Variants in EPHA6 observed in about 807,000 individuals in gnomAD.
EPHA6 encodes EPH receptor A6, also known as ephrin type-A receptor 6.
EPHA6 carries 50 observed loss-of-function variants against 112.0 expected under a neutral mutation model. That is an observed-to-expected ratio of 0.45 (90% CI 0.36 to 0.56). The LOEUF (loss-of-function observed/expected upper bound fraction) is 0.56. Ranked by LOEUF, EPHA6 falls within the 20% of genes least tolerant of loss-of-function variation. The probability of loss-of-function intolerance (pLI) is 0.00; values close to 1 mark genes in which losing one functional copy is unlikely to be tolerated. For missense variants in EPHA6, 1,280 were observed against 1,417.4 expected (o/e 0.90, Z 1.56); for synonymous variants, 529 against 490.7 (o/e 1.08, Z -1.03).
chr3:97,459,749 A>C (rs2107376984), intron 7 of EPHA6, among the ~76,000 whole-genome samples: 1 of 152,306 alleles, frequency 6.6e-6, no homozygotes, highest in Admixed American at 6.5e-5. Flanking sequence ...AGCTCTCATA[A>C]CTTCCAAATT....
chr3:97,317,543 G>A lies in EPHA6; in HGVS notation c.1606+73256G>A, dbSNP rs771364892. 7.9e-5 allele frequency among the ~76,000 whole-genome samples: 12 copies of A among 151,574 alleles called. No homozygotes were observed. In the East Asian group the frequency reaches 1.9e-3, roughly 24 times the overall value. On this transcript the variant is annotated intron_variant, in intron 5 of 17. Coordinates refer to ENST00000389672, the MANE Select transcript of EPHA6 (RefSeq NM_001080448.3). Reference sequence around the variant, plus strand: ...GTTTTCCCATTTCCTTTTTTGTTTCGATATACCCTTCAGATTGGACTGATA... The same window carrying A: ...GTTTTCCCATTTCCTTTTTTGTTTCAATATACCCTTCAGATTGGACTGATA...
At chr3:96,943,782 T>A (rs572000028) in intron 2 of EPHA6, among the ~76,000 whole-genome samples, 1 of 152,236 alleles carries the variant, frequency 6.6e-6, no homozygotes, top group African/African-American at 2.4e-5. Context: ...TGCTCGAGCC[T>A]GGGAGGTTGA....
chr3:97,685,773 A>G, intron 14 of EPHA6, among the ~76,000 whole-genome samples: 1 of 152,212 alleles, frequency 6.6e-6, no homozygotes, highest in East Asian at 1.9e-4. Context: ...TAAACGGCGA[A>G]CGATGATTAC....
At chr3:97,564,097 T>TA (rs894242700) in intron 11 of EPHA6, among the ~76,000 whole-genome samples, 99 of 152,190 alleles carry the variant, frequency 6.5e-4, no homozygotes, top group African/African-American at 2.3e-3. Flanking sequence ...TTAAGTTAAT[T>TA]AGGGGGAAAA....
At chr3:97,414,356 A>G (rs2087953692) in intron 6 of EPHA6, among the ~76,000 whole-genome samples, 1 of 152,052 alleles carries the variant, frequency 6.6e-6, no homozygotes, top group Admixed American at 6.6e-5. Flanking sequence ...GTTAATCAGT[A>G]CACCTCTTTA....
chr3:97,427,377 A>G (rs1210258425), intron 6 of EPHA6, among the ~76,000 whole-genome samples: 41 of 152,204 alleles, frequency 2.7e-4, no homozygotes, highest in Non-Finnish European at 4.1e-4. Flanking sequence ...GAATGAGATC[A>G]TGGCCTTTCC....
At chr3:97,573,504 C>T (rs745608267) in intron 11 of EPHA6, among the ~76,000 whole-genome samples, 66 of 152,118 alleles carry the variant, frequency 4.3e-4, no homozygotes, top group Non-Finnish European at 8.5e-4. Context: ...CCAGATTATA[C>T]ATTTTAAGGT....
intron 5 of EPHA6, among the ~76,000 whole-genome samples, chr3:97,280,115 C>G (rs143362431): frequency 6.6e-6 from 1 of 152,294 alleles, no homozygotes; most frequent in East Asian, 1.9e-4. Flanking sequence ...AACTCCTGAC[C>G]TAAAGTGATC....
At chr3:97,356,241 T>C (rs911517674) in intron 5 of EPHA6, among the ~76,000 whole-genome samples, 1 of 152,196 alleles carries the variant, frequency 6.6e-6, no homozygotes, top group Non-Finnish European at 1.5e-5. Context: ...CACCCCCTCA[T>C]GGGACCACCT....
intron 3 of EPHA6, among the ~76,000 whole-genome samples, chr3:97,118,572 C>T (rs1253902383): frequency 6.6e-6 from 1 of 151,710 alleles, no homozygotes; most frequent in African/African-American, 2.4e-5. Context: ...CTGTTTTTTG[C>T]TAAGTGGTTT....
intron 1 of EPHA6, among the ~76,000 whole-genome samples, chr3:96,850,476 T>G (rs1336815411): frequency 6.6e-6 from 1 of 151,994 alleles, no homozygotes; most frequent in Non-Finnish European, 1.5e-5. Flanking sequence ...TCTTAAGACG[T>G]GAGGAAGAAG....
Position 97,329,899 on chromosome 3 carries a change from A to G in EPHA6, c.1607-75251A>G, listed in dbSNP as rs530098491. Among the ~76,000 whole-genome samples, 85 of 152,164 alleles carry G rather than the reference A, an allele frequency of 5.6e-4. 1 individual carries two copies. In the South Asian group the frequency reaches 0.016, roughly 28 times the overall value. On this transcript the variant is annotated intron_variant, in intron 5 of 17. Coordinates refer to ENST00000389672, the MANE Select transcript of EPHA6 (RefSeq NM_001080448.3). ...AGACATGAAGTCCTAGCCCATGCCT[A>G]TGTCCTGAATGGTATTGCCTAGGTT...
intron 5 of EPHA6, among the ~76,000 whole-genome samples, chr3:97,271,273 C>G (rs190993656): frequency 7.9e-5 from 12 of 152,354 alleles, no homozygotes; most frequent in Middle Eastern, 3.4e-3. Flanking sequence ...CCCATACTCA[C>G]TAAATCCATG....
At chr3:97,246,295 G>A (rs1559824862) in intron 5 of EPHA6, among the ~76,000 whole-genome samples, 1 of 151,828 alleles carries the variant, frequency 6.6e-6, no homozygotes, top group African/African-American at 2.4e-5. Flanking sequence ...AAATCAGTAT[G>A]TCACTTTAAA....
At chr3:96,936,925 C>A (rs984743089) in intron 2 of EPHA6, among the ~76,000 whole-genome samples, 21 of 152,172 alleles carry the variant, frequency 1.4e-4, no homozygotes, top group African/African-American at 4.8e-4. Flanking sequence ...CATGTCCCTA[C>A]AAAGGCCATG....
chr3:97,603,079 A>T (rs2093655029), intron 12 of EPHA6, among the ~76,000 whole-genome samples: 1 of 152,076 alleles, frequency 6.6e-6, no homozygotes, highest in Non-Finnish European at 1.5e-5. Flanking sequence ...CAAAATCAAG[A>T]AAGACATTCT....
chr3:96,854,243 A>G (rs1295348627), intron 1 of EPHA6, among the ~76,000 whole-genome samples: 1 of 148,876 alleles, frequency 6.7e-6, no homozygotes, highest in African/African-American at 2.5e-5. Flanking sequence ...GCAGTGGCAC[A>G]ATCTCAGCTC....
At chr3:97,512,043 AC>A (rs1230740924) in intron 10 of EPHA6, among the ~76,000 whole-genome samples, 1 of 152,166 alleles carries the variant, frequency 6.6e-6, no homozygotes, top group Admixed American at 6.5e-5. Context: ...TGAAGCATAA[AC>A]TTTTTTTAAG....
intron 5 of EPHA6, among the ~76,000 whole-genome samples, chr3:97,375,528 A>T (rs1333761077): frequency 6.6e-6 from 1 of 152,174 alleles, no homozygotes; most frequent in Non-Finnish European, 1.5e-5. Context: ...CCACAGACAA[A>T]TTAATCAATT....
Sources: gnomAD v4.1 joint callset for allele counts (sites outside exome capture counted in the v4.1 genomes callset) on GRCh38, gnomAD v4.1.1 for gene constraint, MANE v1.5 for transcripts, NCBI Gene and HGNC (gene_info 2026-07-23, HGNC 2026-07-21) for gene names.